RBM4: variants seen among roughly 807,000 people sequenced by gnomAD.
RBM4 encodes RNA-binding protein 4.
Under a neutral mutation model 29.5 loss-of-function variants are expected in RBM4, and 7 were observed. That is an observed-to-expected ratio of 0.24 (90% CI 0.14 to 0.45). The LOEUF (loss-of-function observed/expected upper bound fraction) is 0.45, where lower values mean the gene tolerates loss of function less well. RBM4 is among the 20% of genes least tolerant of loss of function. The pLI is 1.00. For synonymous variants in RBM4, 220 were observed against 205.4 expected (o/e 1.07, Z -0.61); for missense variants, 387 against 502.3 (o/e 0.77, Z 2.19).
chr11:66,648,077 G>A (rs539008771), downstream of RBM4, among the ~76,000 whole-genome samples: 12 of 151,936 alleles, frequency 7.9e-5, no homozygotes, highest in Admixed American at 2.6e-4. Context: ...GTGGTGGCAC[G>A]CACCTGTAAT....
At chr11:66,657,139 C>T (rs1396207832) in intron 2 of RBM4, among the ~76,000 whole-genome samples, 4 of 107,220 alleles carry the variant, frequency 3.7e-5, no homozygotes, top group African/African-American at 1.2e-4. Flanking sequence ...TTTTTAGGTG[C>T]GGTCTTGCTC....
exon 3 of RBM4, chr11:66,665,993 T>C: frequency 4.8e-6 from 7 of 1,470,184 alleles, no homozygotes; most frequent in Non-Finnish European, 5.5e-6. Context: ...ATTGCACTAT[T>C]CTAAATGTGT....
chr11:66,655,188 G>C (rs151170151), intron 2 of RBM4, among the ~76,000 whole-genome samples: 2 of 152,164 alleles, frequency 1.3e-5, no homozygotes, highest in East Asian at 3.9e-4. Context: ...GTTTCACCAT[G>C]TTGGCCCTGC....
chr11:66,656,945 C>T (rs921169147), intron 2 of RBM4, among the ~76,000 whole-genome samples: 1 of 151,856 alleles, frequency 6.6e-6, no homozygotes, highest in Admixed American at 6.6e-5. Context: ...TAGGCACAGT[C>T]GTGAGCCACC....
exon 3 of RBM4, chr11:66,666,231 T>C: frequency 1.1e-6 from 1 of 939,830 alleles, no homozygotes; most frequent in Non-Finnish European, 1.4e-6. Flanking sequence ...TGATGGGAAC[T>C]CCAGACACCA....
At chr11:66,641,691 A>G (rs1938471583) in intron 2 of RBM4, among the ~76,000 whole-genome samples, 1 of 152,184 alleles carries the variant, frequency 6.6e-6, no homozygotes, top group Non-Finnish European at 1.5e-5. Flanking sequence ...CCCTGACACT[A>G]ACCTATGCTT....
intron 2 of RBM4, among the ~76,000 whole-genome samples, chr11:66,651,513 A>C (rs566076473): frequency 6.6e-6 from 1 of 151,872 alleles, no homozygotes; most frequent in African/African-American, 2.4e-5. Context: ...ACACCTGGCT[A>C]ATTTTTTTGT....
At chr11:66,658,782 C>T (rs1050437542) in intron 2 of RBM4, among the ~76,000 whole-genome samples, 2 of 151,780 alleles carry the variant, frequency 1.3e-5, no homozygotes, top group Admixed American at 1.3e-4. Flanking sequence ...ACTAAAAATA[C>T]AAAACTTAGC....
rs554810600 is a variant in RBM4 at position 66,646,339 on chromosome 11, G to A, written c.*321G>A. 7.9e-5 allele frequency: 100 copies of A among 1,265,294 alleles called. No individual in the cohort carries two copies. The Admixed American group carries it at 2.9e-3, about 37-fold the overall frequency. 78.4% of individuals were successfully genotyped at this position (1,265,294 alleles called of 1,614,324 possible). ...CTCCTCCCTGCCTCCTGCCTCCTGC[G>A]GCTGTTGGATTTGGGAATGACCTTG... On this transcript the variant is annotated 3_prime_UTR_variant, in exon 4 of 4. Coordinates refer to ENST00000310092, the MANE Select transcript of RBM4 (RefSeq NM_002896.4).
chr11:66,641,419 A>G (rs1370073209), intron 2 of RBM4, among the ~76,000 whole-genome samples: 1 of 152,188 alleles, frequency 6.6e-6, no homozygotes, highest in East Asian at 1.9e-4. Context: ...AAAGTGACAC[A>G]GGTCTCTCAG....
At position 66,643,612 on chromosome 11, in the gene RBM4, A is replaced by G. The variant is rs780452232; in HGVS notation, c.575A>G (p.Glu192Gly). The stretch of plus-strand genomic sequence containing the variant: ...GCAGACTTGACCGAGCAATATAATG[A>G]GCAATACGGAGCAGTGCGTACGCCT... ...RVADLTEQYN[E>G]QYGAVRTPYT... Residue 192 changes from glutamate (E) to glycine (G), a missense_variant, in exon 3 of 4, where the codon GAG (glutamate) becomes GGG (glycine). Glu to Gly is a moderately conservative substitution (Grantham distance 98). Transcript: ENST00000310092. This position sits in a 1 kb window ranked among gnomAD's most constrained non-coding sequence, Gnocchi z 6.1. The G allele has an allele frequency of 6.2e-7, 1 of 1,614,154 alleles. No individual in the cohort carries two copies. The highest frequency in any genetic ancestry group is 1.1e-5 in the South Asian group (1 of 91,090).
At chr11:66,665,518 C>T (rs1324021458) in intron 2 of RBM4, 82 of 1,322,444 alleles carry the variant, frequency 6.2e-5, no homozygotes, top group Non-Finnish European at 7.8e-5. Context: ...CAAAGGGGAC[C>T]GCGCGGAGCA....
At chr11:66,649,333 C>CT (rs1277431264), downstream of RBM4, among the ~76,000 whole-genome samples, 3 of 152,180 alleles carry the variant, frequency 2.0e-5, no homozygotes, top group Non-Finnish European at 1.5e-5. Flanking sequence ...AGGAAAAACT[C>CT]TATCAAGAAC....
At chr11:66,652,067 C>T (rs1005467533) in intron 2 of RBM4, among the ~76,000 whole-genome samples, 7 of 151,864 alleles carry the variant, frequency 4.6e-5, no homozygotes, top group Non-Finnish European at 8.8e-5. Flanking sequence ...GATGAAGTGG[C>T]GATGGGTGGG....
intron 3 of RBM4, 123 bp from the exon 4 acceptor site, chr11:66,645,904 G>A (rs1428158634): frequency 6.7e-7 from 1 of 1,489,812 alleles, no homozygotes; most frequent in Non-Finnish European, 9.0e-7. Flanking sequence ...TACTGGGGGA[G>A]AAGGGTACAA....
At chr11:66,647,704 C>T (rs1565083690), downstream of RBM4, among the ~76,000 whole-genome samples, 1 of 152,128 alleles carries the variant, frequency 6.6e-6, no homozygotes, top group African/African-American at 2.4e-5. Flanking sequence ...ATTGATTCAA[C>T]AAATATTTTA....
intron 2 of RBM4, among the ~76,000 whole-genome samples, chr11:66,656,201 A>G (rs1019050808): frequency 5.3e-5 from 8 of 151,910 alleles, no homozygotes; most frequent in African/African-American, 1.2e-4. Context: ...CAGTGGCACA[A>G]TCTCAGCTCA....
In RBM4 at chr11:66,664,840, CT is replaced by C. The variant is rs367723967; in HGVS notation, c.413-1015del. ...TTGAACTTCAGTGGGCTTAAGTGAC[CT>C]GCCCACCTCAACCTCCCAAAGTGCT... On this transcript the variant is annotated intron_variant, in intron 2 of 2. Coordinates refer to the RBM4 transcript ENST00000396053. 2.8e-3 allele frequency among the ~76,000 whole-genome samples: 434 copies of C among 152,286 alleles called. 2 individuals are homozygous for C. Among genetic ancestry groups the C allele is most frequent in the African/African-American group, 0.01 (422 of 41,542 alleles).
Position 66,643,679 on chromosome 11 carries a change from G to A in RBM4, c.642G>A (p.Ala214=), listed in dbSNP as rs749885661. The change falls in exon 3 of 4, where the codon GCG becomes GCA. Residue 214 remains alanine (A), a synonymous_variant. Transcript: ENST00000310092. The surrounding 1 kb of genome is among the most constrained non-coding windows in gnomAD (Gnocchi z 6.1). ...GGGATTCATTGTATTACAACAACGC[G>A]TACGGAGCGCTCGATGCCTACTACA... ...SYGDSLYYNN[A]YGALDAYYKR... is the part of the protein sequence containing the mutation. The A allele has an allele frequency of 3.5e-5, 57 of 1,614,034 alleles. No individual in the cohort carries two copies. The highest frequency in any genetic ancestry group is 3.3e-4 in the South Asian group (30 of 91,094).
Sources: gnomAD v4.1 joint callset for allele counts (sites outside exome capture counted in the v4.1 genomes callset) on GRCh38, gnomAD v4.1.1 for gene constraint, Gnocchi (gnomAD v3.1) non-coding constraint, MANE v1.5 for transcripts, NCBI Gene and HGNC (gene_info 2026-07-23, HGNC 2026-07-21) for gene names.